Variants in TBC1D5 observed in about 807,000 individuals in gnomAD.
The protein encoded by TBC1D5 is TBC1 domain family member 5, also known as TBC1 domain family, member 5.
A neutral mutation model predicts 100.3 loss-of-function variants in TBC1D5; 75 were observed. The observed-to-expected ratio is 0.75, with a 90% confidence interval of 0.62 to 0.91. TBC1D5 has a LOEUF of 0.91. Among genes scored for constraint, TBC1D5 ranks in the 40% least tolerant of loss-of-function variants. The pLI, the probability that TBC1D5 is intolerant of heterozygous loss-of-function variation, is 0.00. For synonymous variants in TBC1D5, 323 were observed against 325.6 expected, an observed-to-expected ratio of 0.99 and a Z score of 0.09; for missense variants, 910 against 942.4, an observed-to-expected ratio of 0.97 and a Z score of 0.45.
At chr3:17,233,561 A>G (rs1394927445) in intron 17 of TBC1D5, 124 bp downstream of exon 18, 2 of 581,452 alleles carry the variant, frequency 3.4e-6, no homozygotes, top group Non-Finnish European at 6.1e-6. Context: ...TGGCTGAACA[A>G]TGGTAGTGAA....
At chr3:17,356,736 A>C (rs1249215347) in intron 13 of TBC1D5, among the ~76,000 whole-genome samples, 2 of 152,174 alleles carry the variant, frequency 1.3e-5, no homozygotes, top group African/African-American at 4.8e-5. Context: ...GAGGCCAATC[A>C]TATGTGGGTC....
intron 2 of TBC1D5, among the ~76,000 whole-genome samples, chr3:17,600,346 T>C (rs1012078676): frequency 1.2e-4 from 19 of 152,344 alleles, no homozygotes; most frequent in Admixed American, 1.2e-3. Flanking sequence ...AATATATACA[T>C]GAAGGTCACA....
chr3:17,303,011 C>T (rs2083014928), intron 14 of TBC1D5, among the ~76,000 whole-genome samples: 1 of 152,190 alleles, frequency 6.6e-6, no homozygotes, highest in African/African-American at 2.4e-5. Flanking sequence ...TGCCCACCTT[C>T]CTCTCAGTTC....
chr3:17,314,570 A>G (rs886099784), intron 13 of TBC1D5, among the ~76,000 whole-genome samples: 9 of 152,082 alleles, frequency 5.9e-5, no homozygotes, highest in Admixed American at 2.6e-4. Context: ...CCTGCTATTC[A>G]AAGTGTAATC....
chr3:17,238,126 G>A, intron 17 of TBC1D5, 37 bp downstream of exon 17: 1 of 1,592,868 alleles, frequency 6.3e-7, no homozygotes. Flanking sequence ...GCTACACCAT[G>A]AATGTTTTCT....
chr3:17,661,124 A>T (rs57905414), intron 1 of TBC1D5, among the ~76,000 whole-genome samples: 15,316 of 152,204 alleles, frequency 0.1, 859 homozygotes, highest in African/African-American at 0.15. Context: ...AGGGTGGGTT[A>T]ATTTGTACAA....
intron 1 of TBC1D5, among the ~76,000 whole-genome samples, chr3:17,731,277 C>T (rs1479290880): frequency 5.9e-5 from 9 of 151,814 alleles, no homozygotes; most frequent in Admixed American, 3.3e-4. Context: ...CCGAGGCGGG[C>T]GGATCACGAG....
At chr3:17,210,205 T>G (rs1482674144) in intron 18 of TBC1D5, among the ~76,000 whole-genome samples, 1 of 151,782 alleles carries the variant, frequency 6.6e-6, no homozygotes, top group Non-Finnish European at 1.5e-5. Flanking sequence ...TTTTTTTTTT[T>G]GAGACGGATT....
At chr3:17,264,820 T>G (rs2078684870) in intron 15 of TBC1D5, among the ~76,000 whole-genome samples, 1 of 152,294 alleles carries the variant, frequency 6.6e-6, no homozygotes, top group South Asian at 2.1e-4. Context: ...AAGAACTCAA[T>G]GAAATGGAAG....
chr3:17,713,057 A>G (rs2074894729), intron 1 of TBC1D5, among the ~76,000 whole-genome samples: 1 of 152,142 alleles, frequency 6.6e-6, no homozygotes, highest in Non-Finnish European at 1.5e-5. Flanking sequence ...TACTTGATTT[A>G]TCTGACGAGG....
chr3:17,452,055 C>A (rs566780409), intron 3 of TBC1D5, among the ~76,000 whole-genome samples: 6 of 151,644 alleles, frequency 4.0e-5, no homozygotes, highest in African/African-American at 2.4e-5. Context: ...TTTTTAATTG[C>A]GTGTTTGTTT....
chr3:17,376,686 T>C, intron 9 of TBC1D5, 73 bp from the exon 10 acceptor site: 1 of 1,286,496 alleles, frequency 7.8e-7, no homozygotes, highest in South Asian at 1.7e-5. Flanking sequence ...TAAACTCAGT[T>C]AAATACTTCT....
chr3:17,184,892 T>TA (rs2068838707), intron 19 of TBC1D5: 1 of 296,392 alleles, frequency 3.4e-6, no homozygotes, highest in Non-Finnish European at 6.3e-6. Context: ...ACTAATGATA[T>TA]AATCTTGGGG....
intron 2 of TBC1D5, among the ~76,000 whole-genome samples, chr3:17,529,376 C>G (rs1023091412): frequency 6.6e-6 from 1 of 152,108 alleles, no homozygotes; most frequent in Admixed American, 6.5e-5. Context: ...ATTTCACTTC[C>G]TTATGTGAGG....
At chr3:17,462,411 TCC>T (rs1488219705) in intron 3 of TBC1D5, among the ~76,000 whole-genome samples, 1 of 149,172 alleles carries the variant, frequency 6.7e-6, no homozygotes, top group Non-Finnish European at 1.5e-5. Context: ...AGCCTCAAAC[TCC>T]CAGGCTCAAG....
Position 17,545,635 on chromosome 3 carries a change from T to C in TBC1D5, c.-35-37030A>G, listed in dbSNP as rs535928570. Among the ~76,000 whole-genome samples, 23 of 152,376 alleles carry C rather than the reference T, an allele frequency of 1.5e-4. 1 individual carries two copies. The Middle Eastern group carries it at 0.01, about 68-fold the overall frequency. ...GACTTATTATATAAGAAAACATGAA[T>C]ATTCATTAGCCACTAATAAGATTTT... On this transcript the variant is annotated intron_variant, in intron 2 of 21. Coordinates refer to ENST00000253692, the Ensembl canonical transcript of TBC1D5.
chr3:17,355,525 A>G (rs938019291), intron 13 of TBC1D5, among the ~76,000 whole-genome samples: 1 of 152,172 alleles, frequency 6.6e-6, no homozygotes, highest in East Asian at 1.9e-4. Context: ...ATTGAAGAAC[A>G]CAATCATCAT....
intron 2 of TBC1D5, among the ~76,000 whole-genome samples, chr3:17,512,764 A>G (rs539892790): frequency 1.3e-5 from 2 of 152,218 alleles, no homozygotes; most frequent in African/African-American, 2.4e-5. Flanking sequence ...AGTCGTAACT[A>G]ATTTTACAAT....
intron 21 of TBC1D5, among the ~76,000 whole-genome samples, chr3:17,163,737 G>C (rs1157294405): frequency 1.3e-5 from 2 of 152,304 alleles, no homozygotes; most frequent in South Asian, 4.1e-4. Context: ...TTCTCTGTCT[G>C]TGCTACTCAA....
Sources: allele counts gnomAD v4.1 joint callset (sites outside exome capture counted in the v4.1 genomes callset), GRCh38; gene constraint gnomAD v4.1.1; transcripts MANE v1.5; gene names NCBI Gene and HGNC (gene_info 2026-07-23, HGNC 2026-07-21).